ZNF875: variants seen among roughly 807,000 people sequenced by gnomAD.
ZNF875 encodes the protein HKR1, GLI-Kruppel zinc finger family member.
ZNF875 carries 14 observed loss-of-function variants against 11.2 expected under a neutral mutation model. That is an observed-to-expected ratio of 1.26 (90% CI 0.83 to 1.96). The LOEUF is 1.96. Ranked by LOEUF, ZNF875 falls within the 30% of genes most tolerant of loss-of-function variation. The pLI is 0.00. For synonymous variants in ZNF875, 301 were observed against 281.1 expected, an observed-to-expected ratio of 1.07 and a Z score of -0.71; for missense variants, 752 against 760.4, an observed-to-expected ratio of 0.99 and a Z score of 0.13.
chr19:37,353,373 T>C (rs1168415663), intron 4 of ZNF875, among the ~76,000 whole-genome samples: 1 of 152,246 alleles, frequency 6.6e-6, no homozygotes. Flanking sequence ...TCATATACAT[T>C]ATTTCTGTAA....
upstream of ZNF875, among the ~76,000 whole-genome samples, chr19:37,316,414 G>A (rs557436407): frequency 2.6e-5 from 4 of 152,328 alleles, no homozygotes; most frequent in East Asian, 3.9e-4. Flanking sequence ...CTCTCGCCCA[G>A]GCTGGAGTGC....
intron 2 of ZNF875, among the ~76,000 whole-genome samples, chr19:37,343,459 G>A (rs2036171399): frequency 6.6e-6 from 1 of 152,012 alleles, no homozygotes; most frequent in African/African-American, 2.4e-5. Context: ...GCCCGGCATG[G>A]CTGAGCTGAT....
At chr19:37,330,551 C>T (rs1311803030), upstream of ZNF875, among the ~76,000 whole-genome samples, 1 of 152,042 alleles carries the variant, frequency 6.6e-6, no homozygotes, top group Non-Finnish European at 1.5e-5. Context: ...TGATTATTTC[C>T]TCCCTCTCTC....
intron 4 of ZNF875, chr19:37,359,741 TA>T (rs1489469369): frequency 1.6e-5 from 3 of 192,178 alleles, no homozygotes; most frequent in Non-Finnish European, 3.2e-5. Context: ...TCTTTTTTAG[TA>T]AAATGCCTAT....
At chr19:37,314,750 C>CAAAAAAAAAAA (rs767009285), upstream of ZNF875, 1 of 85,988 alleles carries the variant, frequency 1.2e-5, no homozygotes, top group Non-Finnish European at 2.6e-5. Context: ...GACTCTGTCT[C>CAAAAAAAAAAA]AAAAAAAAAA....
At chr19:37,346,857 C>T (rs2036861196) in intron 2 of ZNF875, 2 of 265,974 alleles carry the variant, frequency 7.5e-6, no homozygotes, top group Non-Finnish European at 1.4e-5. Context: ...GCCTTTTGAC[C>T]TCTCATTCTT....
chr19:37,329,948 G>C (rs748091004), upstream of ZNF875, among the ~76,000 whole-genome samples: 4 of 152,064 alleles, frequency 2.6e-5, no homozygotes, highest in Non-Finnish European at 5.9e-5. Context: ...TCTCACATGC[G>C]TGGATTTAAA....
At position 37,363,634 on chromosome 19, in the gene ZNF875, G is replaced by C. The variant is rs1452582093; in HGVS notation, c.1782G>C (p.Gly594=). The C allele has an allele frequency of 6.2e-7, 1 of 1,613,932 alleles. No homozygotes were observed. The highest frequency in any genetic ancestry group is 8.5e-7 in the Non-Finnish European group (1 of 1,179,956). Residue 594 remains glycine (G), a synonymous_variant, in exon 5 of 5, where the codon GGG becomes GGC. Coordinates refer to ENST00000392153, the MANE Select transcript of ZNF875 (RefSeq NM_001353803.2). ...AGCCTCATGTGTGCAGGGAGTGTGG[G>C]CAAGGCTTTAGCCGGCAGTCACACC... is the stretch of plus-strand genomic sequence containing the variant. ...GGKPHVCREC[G]QGFSRQSHLI... is the part of the protein sequence containing the mutation.
At chr19:37,321,088 C>A (rs537536456) in intron 1 of ZNF875, among the ~76,000 whole-genome samples, 1 of 152,210 alleles carries the variant, frequency 6.6e-6, no homozygotes, top group African/African-American at 2.4e-5. Context: ...TGTGTAAGGC[C>A]GCAGGGATCT....
rs2040211258 is a variant in ZNF875, at chr19:37,362,944, G to C, written c.1092G>C (p.Lys364Asn). The change falls in exon 5 of 5, where the codon AAG becomes AAC. Residue 364 changes from lysine (K) to asparagine (N), a missense_variant. By Grantham distance (94) the Lys-to-Asn change is moderately conservative. Transcript: ENST00000392153. Reference sequence around the variant, plus strand: ...ACCAGAGGGCGCACACTGGGGAGAAGCCTTATGTTTGCAGGGAATGTGGGC... The same window carrying C: ...ACCAGAGGGCGCACACTGGGGAGAACCCTTATGTTTGCAGGGAATGTGGGC... ...ITHQRAHTGE[K>N]PYVCRECGRG... is the part of the protein sequence containing the mutation. 1 of 1,614,170 alleles carries C rather than the reference G, an allele frequency of 6.2e-7. No individual in the cohort carries two copies.
chr19:37,338,403 G>T (rs946480895), intron 2 of ZNF875, among the ~76,000 whole-genome samples: 1 of 152,174 alleles, frequency 6.6e-6, no homozygotes, highest in African/African-American at 2.4e-5. Flanking sequence ...GATTACAGGT[G>T]TGAGCCACTG....
Position 37,362,661 on chromosome 19 carries a change from T to C in ZNF875, c.809T>C (p.Ile270Thr), listed in dbSNP as rs1043870684. The change falls in exon 5 of 5, where the codon ATC (isoleucine) becomes ACC (threonine). Residue 270 changes from isoleucine to threonine, a missense_variant. Ile to Thr is a moderately conservative substitution (Grantham distance 89). Coordinates refer to ENST00000392153, the MANE Select transcript of ZNF875 (RefSeq NM_001353803.2). Reference sequence around the variant, plus strand: ...AGCTTTGGCAGTATGTCAGTCCTCATCAAAAACCCAAGGACACACTCTGGG... The same window carrying C: ...AGCTTTGGCAGTATGTCAGTCCTCACCAAAAACCCAAGGACACACTCTGGG... ...GDSFGSMSVL[I>T]KNPRTHSGGK... 2 of 1,612,890 alleles carry C rather than the reference T, an allele frequency of 1.2e-6. No homozygotes were observed. Among genetic ancestry groups the C allele is most frequent in the Admixed American group, 1.7e-5 (1 of 59,910 alleles).
chr19:37,360,781 C>A (rs540943385), intron 4 of ZNF875, among the ~76,000 whole-genome samples: 2 of 152,270 alleles, frequency 1.3e-5, no homozygotes, highest in Admixed American at 1.3e-4. Context: ...CAGGCATGAG[C>A]CACCGTGCCC....
At chr19:37,332,496 C>CTGGGATTACAG (rs1311754391), upstream of ZNF875, among the ~76,000 whole-genome samples, 1 of 152,114 alleles carries the variant, frequency 6.6e-6, no homozygotes, top group East Asian at 1.9e-4. Context: ...GGATTACAGG[C>CTGGGATTACAG]GTGAGCCACC....
Position 37,363,206 on chromosome 19 carries a change from T to G in ZNF875, c.1354T>G (p.Cys452Gly), listed in dbSNP as rs551626575. Residue 452 changes from cysteine to glycine, a missense_variant, in exon 5 of 5, where the codon TGC becomes GGC. Coordinates refer to ENST00000392153, the MANE Select transcript of ZNF875 (RefSeq NM_001353803.2). Reference sequence around the variant, plus strand: ...ACACTCAGGGGTTAAACCTTATGTCTGCCTGGAGTGCGGGCAGTGCTTTAG... The same window carrying G: ...ACACTCAGGGGTTAAACCTTATGTCGGCCTGGAGTGCGGGCAGTGCTTTAG... ...RTHSGVKPYV[C>G]LECGQCFSLK... 5 of 1,613,946 alleles carry G rather than the reference T, an allele frequency of 3.1e-6. No individual in the cohort carries two copies. Among genetic ancestry groups the G allele is most frequent in the Non-Finnish European group, 4.2e-6 (5 of 1,180,010 alleles).
At chr19:37,332,340 C>T (rs1289737962), upstream of ZNF875, among the ~76,000 whole-genome samples, 2 of 151,834 alleles carry the variant, frequency 1.3e-5, no homozygotes. Flanking sequence ...ACGAGAAACA[C>T]CCACAGGTGT....
chr19:37,356,430 T>TTTTGTTTG (rs748955956), intron 4 of ZNF875, among the ~76,000 whole-genome samples: 1 of 152,178 alleles, frequency 6.6e-6, no homozygotes, highest in Non-Finnish European at 1.5e-5. Flanking sequence ...ACATCTGTTT[T>TTTTGTTTG]TTTGTTTGTT....
chr19:37,315,301 A>G (rs1196223901), upstream of ZNF875: 1 of 152,262 alleles, frequency 6.6e-6, no homozygotes, highest in African/African-American at 2.4e-5. Flanking sequence ...GATTGATTTC[A>G]AATAGAGGAA....
At position 37,363,850 on chromosome 19, in the gene ZNF875, C is replaced by A. The variant is rs1404419614; in HGVS notation, c.*75C>A. ...ACTTCATCAGACACCAGAGGACACA[C>A]ACAGTGCTGTGGCTTTTTCAGCCAT... On this transcript the variant is annotated 3_prime_UTR_variant, in exon 5 of 5. Coordinates refer to ENST00000392153, the MANE Select transcript of ZNF875 (RefSeq NM_001353803.2). 2.3e-6 allele frequency: 3 copies of A among 1,298,030 alleles called. No homozygotes were observed. Among genetic ancestry groups the A allele is most frequent in the Non-Finnish European group, 3.3e-6 (3 of 913,986 alleles). The allele number at this position is 1,298,030 out of a possible 1,614,324, so 80.4% of individuals were successfully genotyped here. A position where few individuals can be genotyped will look rare whatever the true frequency, so the allele number is the denominator to read the frequency against.
Sources: allele counts gnomAD v4.1 joint callset (sites outside exome capture counted in the v4.1 genomes callset), GRCh38; gene constraint gnomAD v4.1.1; transcripts MANE v1.5; gene names NCBI Gene and HGNC (gene_info 2026-07-23, HGNC 2026-07-21).